Variants in HCRTR2 observed in about 807,000 individuals in gnomAD.
HCRTR2 encodes orexin receptor type 2.
A neutral mutation model predicts 49.0 loss-of-function variants in HCRTR2; 22 were observed. The observed-to-expected ratio is 0.45, with a 90% CI of 0.32 to 0.64. The LOEUF (loss-of-function observed/expected upper bound fraction) is 0.64. Ranked by LOEUF, HCRTR2 falls within the 30% of genes least tolerant of loss-of-function variation. HCRTR2 has a pLI of 0.04. For missense variants in HCRTR2, 491 were observed against 559.4 expected (o/e 0.88, Z 1.23); for synonymous variants, 236 against 205.3 (o/e 1.15, Z -1.28).
chr6:55,278,805 T>C (rs908396568), intron 5 of HCRTR2, among the ~76,000 whole-genome samples: 2 of 151,356 alleles, frequency 1.3e-5, no homozygotes, highest in Admixed American at 6.6e-5. Context: ...ACCTGCTAGA[T>C]ACTCTCTTCT....
At chr6:55,227,077 G>T (rs540067668) in intron 1 of HCRTR2, among the ~76,000 whole-genome samples, 3 of 151,874 alleles carry the variant, frequency 2.0e-5, no homozygotes, top group Non-Finnish European at 4.4e-5. Context: ...ACATATAATT[G>T]ATATGTACTA....
chr6:55,282,113 T>G, intron 6 of HCRTR2, 112 bp from the exon 7 acceptor site: 1 of 760,156 alleles, frequency 1.3e-6, no homozygotes, highest in Non-Finnish European at 2.3e-6. Flanking sequence ...TTGCAAAATA[T>G]TACACCTCAT....
intron 1 of HCRTR2, among the ~76,000 whole-genome samples, chr6:55,230,826 C>T (rs1217998623): frequency 2.7e-5 from 4 of 150,048 alleles, no homozygotes; most frequent in African/African-American, 9.8e-5. Context: ...TGTTATTATC[C>T]AATGAAACAG....
chr6:55,166,250 A>G (rs1018847185), intron 1 of HCRTR2, among the ~76,000 whole-genome samples: 3 of 151,988 alleles, frequency 2.0e-5, no homozygotes, highest in African/African-American at 4.8e-5. Flanking sequence ...GGATTTCTGC[A>G]TCTATAATCA....
chr6:55,209,555 C>T (rs1765661129), intron 1 of HCRTR2, among the ~76,000 whole-genome samples: 1 of 152,034 alleles, frequency 6.6e-6, no homozygotes, highest in African/African-American at 2.4e-5. Flanking sequence ...AGGAGAGACT[C>T]GTGGGAGGCA....
At chr6:55,203,601 G>A (rs945818378) in intron 1 of HCRTR2, among the ~76,000 whole-genome samples, 4 of 152,088 alleles carry the variant, frequency 2.6e-5, no homozygotes, top group Middle Eastern at 3.2e-3. Context: ...GTACCTGTTC[G>A]GGTATGGGTT....
At chr6:55,221,210 A>G (rs1765883933) in intron 1 of HCRTR2, among the ~76,000 whole-genome samples, 1 of 152,210 alleles carries the variant, frequency 6.6e-6, no homozygotes, top group Admixed American at 6.5e-5. Context: ...TCTGAGAACC[A>G]TGGATACTTA....
At chr6:55,148,392 T>A (rs1389803299) in intron 1 of HCRTR2, among the ~76,000 whole-genome samples, 2 of 152,114 alleles carry the variant, frequency 1.3e-5, no homozygotes, top group African/African-American at 4.8e-5. Context: ...CCCACATTAT[T>A]CATCTAAAAT....
intron 3 of HCRTR2, among the ~76,000 whole-genome samples, chr6:55,260,957 G>T (rs1222978107): frequency 6.6e-6 from 1 of 151,982 alleles, no homozygotes; most frequent in Non-Finnish European, 1.5e-5. Flanking sequence ...ATACATAGAG[G>T]TAATAGCATT....
At chr6:55,278,994 A>G (rs999356606) in intron 5 of HCRTR2, among the ~76,000 whole-genome samples, 6 of 151,616 alleles carry the variant, frequency 4.0e-5, no homozygotes, top group African/African-American at 1.5e-4. Flanking sequence ...TTTATTTCCA[A>G]CTACTTTTTT....
intron 3 of HCRTR2, among the ~76,000 whole-genome samples, chr6:55,261,998 C>A (rs1766766160): frequency 6.6e-6 from 1 of 151,856 alleles, no homozygotes; most frequent in Admixed American, 6.6e-5. Context: ...GATTTGGAGA[C>A]CATTATTCTA....
rs185689318 is a variant in HCRTR2 at position 55,253,860 on chromosome 6, C to T, written c.403-1276C>T. The stretch of plus-strand genomic sequence containing the variant: ...CATGGACACATAAAGGGGAACAACA[C>T]GCACTGGGGCCTTTCAGAGGGTAGA... On this transcript the variant is annotated intron_variant, in intron 2 of 6. Transcript: ENST00000370862. Among the ~76,000 whole-genome samples the T allele has an allele frequency of 6.6e-5, 10 of 152,122 alleles. No homozygotes were observed. The East Asian group carries it at 1.2e-3, about 18-fold the overall frequency.
At chr6:55,168,438 C>T (rs1169774934) in intron 1 of HCRTR2, among the ~76,000 whole-genome samples, 10 of 152,092 alleles carry the variant, frequency 6.6e-5, no homozygotes, top group Admixed American at 6.5e-4. Flanking sequence ...AGAGTAACAG[C>T]AAAAAGCGTA....
intron 5 of HCRTR2, among the ~76,000 whole-genome samples, chr6:55,279,468 T>C (rs770516822): frequency 2.0e-5 from 3 of 151,396 alleles, no homozygotes; most frequent in Non-Finnish European, 4.4e-5. Flanking sequence ...CCAGAAATGG[T>C]ATAAGGTACA....
intron 1 of HCRTR2, among the ~76,000 whole-genome samples, chr6:55,192,647 T>G (rs1341042172): frequency 6.6e-6 from 1 of 152,210 alleles, no homozygotes; most frequent in Non-Finnish European, 1.5e-5. Flanking sequence ...GTTTTGTATT[T>G]ACATAGAACA....
rs550831106 is a variant in HCRTR2, at chr6:55,261,105, A to G, written c.647-2602A>G. ...AATTATAATGAGTTAATTACATTTAATATCTATGGAATCTATGCAAGATAT... is the reference window on the plus strand; with the variant it reads ...AATTATAATGAGTTAATTACATTTAGTATCTATGGAATCTATGCAAGATAT... On this transcript the variant is annotated intron_variant, in intron 3 of 6. Coordinates refer to ENST00000370862, the MANE Select transcript of HCRTR2 (RefSeq NM_001384272.1). Among the ~76,000 whole-genome samples the G allele has an allele frequency of 6.8e-4, 103 of 152,314 alleles. 1 individual carries two copies. In the South Asian group the frequency reaches 0.021, roughly 31 times the overall value.
At chr6:55,148,237 C>A (rs538263939) in intron 1 of HCRTR2, among the ~76,000 whole-genome samples, 1 of 151,532 alleles carries the variant, frequency 6.6e-6, no homozygotes, top group African/African-American at 2.4e-5. Context: ...GTGAAATGAT[C>A]GTGTGTGTGT....
chr6:55,173,238 A>T (rs1443498780), upstream of HCRTR2, among the ~76,000 whole-genome samples: 2 of 152,104 alleles, frequency 1.3e-5, no homozygotes, highest in Non-Finnish European at 1.5e-5. Flanking sequence ...GTGGCTTGAG[A>T]CCTTGGTTTA....
intron 1 of HCRTR2, among the ~76,000 whole-genome samples, chr6:55,211,359 A>C (rs1345385311): frequency 6.6e-6 from 1 of 152,178 alleles, no homozygotes; most frequent in Non-Finnish European, 1.5e-5. Flanking sequence ...CCATCTCACA[A>C]GCATTTTGCA....
Sources: gnomAD v4.1 joint callset for allele counts (sites outside exome capture counted in the v4.1 genomes callset) on GRCh38, gnomAD v4.1.1 for gene constraint, MANE v1.5 for transcripts, NCBI Gene and HGNC (gene_info 2026-07-23, HGNC 2026-07-21) for gene names.